The following KCNMA1 variants were observed in gnomAD, a reference collection of about 807,000 sequenced individuals.
KCNMA1 encodes the protein potassium calcium-activated channel subfamily M alpha 1.
In KCNMA1, 29 loss-of-function variants were observed where a neutral mutation model predicts 140.0. That is an observed-to-expected ratio of 0.21 (90% CI 0.15 to 0.28). The LOEUF is 0.28. KCNMA1 is among the 10% of genes least tolerant of loss of function. The pLI is 1.00. For synonymous variants in KCNMA1, 612 were observed against 611.9 expected (o/e 1.00, Z 0.00); for missense variants, 880 against 1,602.2 (o/e 0.55, Z 7.70).
chr10:77,492,189 G>A (rs1158378117), intron 1 of KCNMA1, among the ~76,000 whole-genome samples: 1 of 152,170 alleles, frequency 6.6e-6, no homozygotes. Flanking sequence ...CTCGTGGGCT[G>A]TCCCCAACCT....
chr10:76,898,523 A>G (rs1014171167), intron 25 of KCNMA1, among the ~76,000 whole-genome samples: 3 of 151,854 alleles, frequency 2.0e-5, no homozygotes, highest in Non-Finnish European at 4.4e-5. Flanking sequence ...CAAAAAAAAA[A>G]ATCAATGGCC....
intron 20 of KCNMA1, among the ~76,000 whole-genome samples, chr10:76,966,780 C>A (rs1208425819): frequency 6.6e-6 from 1 of 152,180 alleles, no homozygotes; most frequent in Non-Finnish European, 1.5e-5. Context: ...ATGGCTCACA[C>A]CTCCTCTGCG....
At chr10:77,558,651 C>A (rs769091416) in intron 1 of KCNMA1, among the ~76,000 whole-genome samples, 1 of 152,184 alleles carries the variant, frequency 6.6e-6, no homozygotes, top group Non-Finnish European at 1.5e-5. Context: ...GGATAGATAA[C>A]ACAGATGCCC....
chr10:77,554,458 G>A (rs979184988), intron 1 of KCNMA1, among the ~76,000 whole-genome samples: 4 of 102,048 alleles, frequency 3.9e-5, no homozygotes, highest in Middle Eastern at 5.6e-3. Flanking sequence ...TTAGCTGAGC[G>A]TGCTAGTGTG....
intron 19 of KCNMA1, chr10:76,977,496 C>G (rs940145839): frequency 4.3e-6 from 3 of 701,150 alleles, no homozygotes; most frequent in Admixed American, 4.0e-5. Flanking sequence ...GAGGACTTGC[C>G]ATAGAGACCA....
intron 14 of KCNMA1, 106 bp downstream of exon 14, chr10:77,072,991 G>A (rs1169791654): frequency 1.9e-6 from 2 of 1,059,600 alleles, no homozygotes; most frequent in African/African-American, 3.1e-5. Flanking sequence ...CTTAACCCAA[G>A]TGGTTAGAGC....
At chr10:77,152,384 AT>A (rs922103523) in intron 5 of KCNMA1, among the ~76,000 whole-genome samples, 2 of 151,872 alleles carry the variant, frequency 1.3e-5, no homozygotes, top group African/African-American at 4.8e-5. Flanking sequence ...TGAGAAAAGG[AT>A]TTGATTACAA....
intron 20 of KCNMA1, among the ~76,000 whole-genome samples, chr10:76,957,237 C>A (rs1430311586): frequency 6.6e-6 from 1 of 151,648 alleles, no homozygotes; most frequent in African/African-American, 2.4e-5. Flanking sequence ...TAGGACCCAC[C>A]CAGAGAATTG....
intron 2 of KCNMA1, among the ~76,000 whole-genome samples, chr10:77,345,120 A>G (rs1222028637): frequency 6.6e-6 from 1 of 152,236 alleles, no homozygotes; most frequent in Non-Finnish European, 1.5e-5. Flanking sequence ...CTTTGTTGGT[A>G]TAAATATTTA....
intron 1 of KCNMA1, among the ~76,000 whole-genome samples, chr10:77,448,670 G>A (rs2097573140): frequency 6.6e-6 from 1 of 152,146 alleles, no homozygotes; most frequent in Non-Finnish European, 1.5e-5. Context: ...TGTATTATTT[G>A]AAATTTTTAT....
chr10:77,045,475 C>T (rs953674378), intron 14 of KCNMA1, among the ~76,000 whole-genome samples: 2 of 152,206 alleles, frequency 1.3e-5, no homozygotes, highest in Non-Finnish European at 2.9e-5. Context: ...CTTGCCTACA[C>T]CTCTCATTTA....
intron 2 of KCNMA1, among the ~76,000 whole-genome samples, chr10:77,299,683 C>G (rs1356966570): frequency 6.6e-6 from 1 of 152,186 alleles, no homozygotes; most frequent in Non-Finnish European, 1.5e-5. Context: ...AGGGGGAAAG[C>G]CTGCACAAGA....
At chr10:77,393,854 AACAGAGACTGAAGCAAAGCGG>A (rs983370074) in intron 2 of KCNMA1, among the ~76,000 whole-genome samples, 5 of 152,246 alleles carry the variant, frequency 3.3e-5, no homozygotes, top group Admixed American at 6.5e-5. Flanking sequence ...CCCAGGCCCC[AACAGAGACTGAAGCAAAGCGG>A]ACAGAGACAA....
At chr10:77,175,244 AC>A (rs2098742745) in intron 5 of KCNMA1, among the ~76,000 whole-genome samples, 1 of 152,176 alleles carries the variant, frequency 6.6e-6, no homozygotes, top group Non-Finnish European at 1.5e-5. Context: ...AATTGGACTA[AC>A]CTGAGTCTTG....
intron 23 of KCNMA1, among the ~76,000 whole-genome samples, chr10:76,937,275 G>T (rs2060812564): frequency 2.6e-5 from 4 of 152,192 alleles, no homozygotes; most frequent in Admixed American, 1.3e-4. Flanking sequence ...AAGCCTGCTG[G>T]CTTTGTTCTC....
Position 76,969,981 on chromosome 10 carries a change from G to A in KCNMA1, c.2353C>T (p.Leu785=), listed in dbSNP as rs140324782. 2 of 1,613,152 alleles carry A rather than the reference G, an allele frequency of 1.2e-6. No homozygotes were observed. The highest frequency in any genetic ancestry group is 1.3e-5 in the African/African-American group (1 of 74,894). ...ACCAGCCCCTCTCCTTACCTCATCA[G>A]CTTAGGCGAGGTGTTGGGTGAGTTC... is the stretch of plus-strand genomic sequence containing the variant. ...MRNSPNTSPK[L]MRHDPLLIPG... Residue 785 remains leucine (L), a synonymous_variant, in exon 20 of 28, where the codon CTG becomes TTG. Transcript: ENST00000286628.
At chr10:77,275,170 GCCTATACCAA>G (rs2066307556) in intron 2 of KCNMA1, among the ~76,000 whole-genome samples, 1 of 152,188 alleles carries the variant, frequency 6.6e-6, no homozygotes, top group African/African-American at 2.4e-5. Context: ...ACCTCAGAGA[GCCTATACCAA>G]CTGAATATTT....
rs370990454 is a variant in KCNMA1, at chr10:77,146,066, T to C, written c.809-25018A>G. Among the ~76,000 whole-genome samples the C allele has an allele frequency of 7.0e-4, 106 of 152,308 alleles. 1 individual carries two copies. The South Asian group carries it at 0.011, about 16-fold the overall frequency. On this transcript the variant is annotated intron_variant, in intron 5 of 27. Transcript: ENST00000286628. ...GGAGCCAGATACTGGGCTAACCATA[T>C]TGGGGATACAAATGTGATTTGCTCT...
intron 1 of KCNMA1, among the ~76,000 whole-genome samples, chr10:77,620,224 T>G (rs2090952473): frequency 6.6e-6 from 1 of 152,020 alleles, no homozygotes. Flanking sequence ...GCAACCATCC[T>G]CACCACAGCC....
Sources: allele counts gnomAD v4.1 joint callset (sites outside exome capture counted in the v4.1 genomes callset), GRCh38; gene constraint gnomAD v4.1.1; transcripts MANE v1.5; gene names NCBI Gene and HGNC (gene_info 2026-07-23, HGNC 2026-07-21).